Variants in BRAF observed in about 807,000 individuals in gnomAD.
BRAF encodes serine/threonine-protein kinase B-raf.
A neutral mutation model predicts 104.6 loss-of-function variants in BRAF; 16 were observed. The observed-to-expected ratio is 0.15, with a 90% CI of 0.10 to 0.23. BRAF has a LOEUF of 0.23. Among genes scored for constraint, BRAF ranks in the 10% least tolerant of loss-of-function variants. The pLI, the probability that BRAF is intolerant of heterozygous loss-of-function variation, is 1.00. For missense variants in BRAF, 541 were observed against 937.3 expected, an observed-to-expected ratio of 0.58 and a Z score of 5.52; for synonymous variants, 310 against 341.6, an observed-to-expected ratio of 0.91 and a Z score of 1.02.
At position 140,783,309 on chromosome 7, in the gene BRAF, C is replaced by T. The variant is rs71645965; in HGVS notation, c.1298-152G>A. 9.4e-5 allele frequency: 83 copies of T among 881,164 alleles called. No individual in the cohort carries two copies. The African/African-American group carries it at 1.3e-3, about 14-fold the overall frequency. 54.6% of individuals were successfully genotyped at this position (881,164 alleles called of 1,614,324 possible). On this transcript the variant is annotated intron_variant, in intron 10 of 19. Coordinates refer to ENST00000644969, the MANE Select transcript of BRAF (RefSeq NM_001374258.1). ...TTGGAAAGGATGGGCCAAAAAGGGG[C>T]CTCATTTGGTGATTACAACTATAAT...
At chr7:140,875,614 G>A (rs1036051356) in intron 1 of BRAF, among the ~76,000 whole-genome samples, 3 of 152,176 alleles carry the variant, frequency 2.0e-5, no homozygotes, top group African/African-American at 7.2e-5. Flanking sequence ...CCGACCTCCG[G>A]TGATCCACCC....
intron 1 of BRAF, among the ~76,000 whole-genome samples, chr7:140,869,988 A>G (rs373745311): frequency 0.011 from 1,588 of 150,326 alleles, 31 homozygotes; most frequent in African/African-American, 0.037. Flanking sequence ...AAAAAGGAAG[A>G]AAGAAAGACG....
chr7:140,763,122 G>C (rs1798922462), intron 14 of BRAF, among the ~76,000 whole-genome samples: 1 of 152,206 alleles, frequency 6.6e-6, no homozygotes, highest in Non-Finnish European at 1.5e-5. Context: ...GAGCTGTTGG[G>C]TACACCTCCC....
At chr7:140,802,953 A>C (rs540817370) in intron 5 of BRAF, among the ~76,000 whole-genome samples, 1 of 152,320 alleles carries the variant, frequency 6.6e-6, no homozygotes, top group African/African-American at 2.4e-5. Context: ...AGCTCTGTTC[A>C]TATTAGGTAT....
chr7:140,776,301 G>C (rs56115934), intron 14 of BRAF, among the ~76,000 whole-genome samples: 24,205 of 152,096 alleles, frequency 0.16, 3,188 homozygotes, highest in African/African-American at 0.37. Context: ...TTCAAAATTT[G>C]TTTAATTTTA....
chr7:140,854,773 C>T (rs1041148163), intron 1 of BRAF, among the ~76,000 whole-genome samples: 3 of 151,832 alleles, frequency 2.0e-5, no homozygotes, highest in African/African-American at 4.8e-5. Context: ...GGTGAAACCC[C>T]GTCTCTACTA....
chr7:140,919,146 CA>C (rs572137875), intron 1 of BRAF, among the ~76,000 whole-genome samples: 1,397 of 91,864 alleles, frequency 0.015, 20 homozygotes, highest in African/African-American at 0.033. Context: ...GACTCCGTCT[CA>C]AAAAAAAAAA....
At chr7:140,745,255 T>C (rs930662992) in intron 17 of BRAF, among the ~76,000 whole-genome samples, 1 of 150,514 alleles carries the variant, frequency 6.6e-6, no homozygotes, top group Non-Finnish European at 1.5e-5. Flanking sequence ...TTATTTAAAC[T>C]TAAGATAAAA....
At chr7:140,763,998 A>G (rs1290176174) in intron 14 of BRAF, among the ~76,000 whole-genome samples, 9 of 152,234 alleles carry the variant, frequency 5.9e-5, no homozygotes, top group African/African-American at 2.2e-4. Context: ...CAACCAAAAA[A>G]GAGAATTTTA....
intron 12 of BRAF, 114 bp from the exon 12 acceptor site, chr7:140,778,189 A>G (rs1271167662): frequency 1.1e-6 from 1 of 915,740 alleles, no homozygotes; most frequent in Non-Finnish European, 1.7e-6. Context: ...CCATTATTAA[A>G]TCACAAATAA....
chr7:140,742,922 A>T (rs2130917183), intron 17 of BRAF, among the ~76,000 whole-genome samples: 1 of 152,110 alleles, frequency 6.6e-6, no homozygotes, highest in East Asian at 1.9e-4. Flanking sequence ...GGACATGAAC[A>T]GACACTTCTC....
intron 1 of BRAF, among the ~76,000 whole-genome samples, chr7:140,888,947 T>C (rs566690072): frequency 2.2e-4 from 33 of 152,240 alleles, no homozygotes; most frequent in Admixed American, 5.2e-4. Flanking sequence ...GGGGTACTAC[T>C]GGCATCTTGT....
chr7:140,770,697 A>C (rs1799755688), intron 14 of BRAF, among the ~76,000 whole-genome samples: 1 of 152,130 alleles, frequency 6.6e-6, no homozygotes, highest in South Asian at 2.1e-4. Flanking sequence ...GCACTTTGGG[A>C]GGCCGAGGCG....
chr7:140,879,550 T>TAA (rs71170768), intron 1 of BRAF, among the ~76,000 whole-genome samples: 5 of 121,708 alleles, frequency 4.1e-5, no homozygotes, highest in South Asian at 2.7e-4. Flanking sequence ...AGCATTATTC[T>TAA]AAAAAAAAAA....
At position 140,801,481 on chromosome 7, in the gene BRAF, CAT is replaced by C. The variant is rs1803104915; in HGVS notation, c.789_790del (p.Cys264TrpfsTer3). Reference sequence around the variant, plus strand: ...ACAACGCTGGTGAAATTTATAACCACATGTTTGACAGCGGAAACCCTGGAAAA... The same window carrying C: ...ACAACGCTGGTGAAATTTATAACCACGTTTGACAGCGGAAACCCTGGAAAA... On this transcript the variant is annotated frameshift_variant, in exon 6 of 20. Transcript: ENST00000644969. LOFTEE classifies it high-confidence loss of function. 2 of 1,614,006 alleles carry C rather than the reference CAT, an allele frequency of 1.2e-6. No homozygotes were observed. Among genetic ancestry groups the C allele is most frequent in the Non-Finnish European group, 1.7e-6 (2 of 1,179,936 alleles).
Position 140,721,925 on chromosome 7 carries a change from C to T in BRAF, c.*4569G>A, listed in dbSNP as rs1795344186. 1 of 1,261,794 alleles carries T rather than the reference C, an allele frequency of 7.9e-7. No individual in the cohort carries two copies. Among genetic ancestry groups the T allele is most frequent in the African/African-American group, 1.5e-5 (1 of 64,766 alleles). The allele number at this position is 1,261,794 out of a possible 1,614,324, so 78.2% of individuals were successfully genotyped here. Reference sequence around the variant, plus strand: ...CCCGGGAAGAAATTTACATTTCAAACTCTGAAAAATCAGTGTCTAGGTTGG... The same window carrying T: ...CCCGGGAAGAAATTTACATTTCAAATTCTGAAAAATCAGTGTCTAGGTTGG... On this transcript the variant is annotated 3_prime_UTR_variant, in exon 20 of 20. Coordinates refer to ENST00000644969, the MANE Select transcript of BRAF (RefSeq NM_001374258.1).
intron 1 of BRAF, among the ~76,000 whole-genome samples, chr7:140,851,822 G>A (rs1809190787): frequency 6.6e-6 from 1 of 152,120 alleles, no homozygotes; most frequent in Non-Finnish European, 1.5e-5. Flanking sequence ...ACAAAGTTGA[G>A]CACTTTTTAT....
At chr7:140,923,194 CA>C (rs149310780) in intron 1 of BRAF, among the ~76,000 whole-genome samples, 14 of 147,064 alleles carry the variant, frequency 9.5e-5, no homozygotes, top group East Asian at 5.9e-4. Flanking sequence ...GATGATGATG[CA>C]AAAAAAAAAT....
chr7:140,864,171 A>G (rs942018950), intron 1 of BRAF, among the ~76,000 whole-genome samples: 6 of 152,180 alleles, frequency 3.9e-5, no homozygotes, highest in Non-Finnish European at 7.3e-5. Flanking sequence ...ACCATAGTTA[A>G]GCAAGAGATG....
Sources: allele counts gnomAD v4.1 joint callset (sites outside exome capture counted in the v4.1 genomes callset), GRCh38; gene constraint gnomAD v4.1.1; transcripts MANE v1.5; gene names NCBI Gene and HGNC (gene_info 2026-07-23, HGNC 2026-07-21).